The following MYOF variants were observed in gnomAD, a reference collection of about 807,000 sequenced individuals.
MYOF encodes the protein fer-1-like 3, myoferlin.
Under a neutral mutation model 284.2 loss-of-function variants are expected in MYOF, and 244 were observed. That is an observed-to-expected ratio of 0.86 (90% confidence interval 0.77 to 0.95). The LOEUF (loss-of-function observed/expected upper bound fraction) is 0.95. Among genes scored for constraint, MYOF ranks in the 40% least tolerant of loss-of-function variants. The pLI, the probability that MYOF is intolerant of heterozygous loss-of-function variation, is 0.00. For synonymous variants in MYOF, 904 were observed against 919.7 expected (o/e 0.98, Z 0.31); for missense variants, 2,496 against 2,560.6 (o/e 0.97, Z 0.54).
rs374378517 is a variant in MYOF, at chr10:93,319,931, G to T, written c.5539C>A (p.Arg1847=). The part of the protein sequence containing the change: ...SLDGEGNFNW[R]FVFPFDYLPA... ...AGGTAGTCAAACGGGAAAACAAATCGCCAGTTAAAATTCCCTTCACCATCC... is the reference window on the plus strand; with the variant it reads ...AGGTAGTCAAACGGGAAAACAAATCTCCAGTTAAAATTCCCTTCACCATCC... Residue 1847 remains arginine, a synonymous_variant, in exon 49 of 54, where the codon CGA becomes AGA. Transcript: ENST00000359263. 1.2e-6 allele frequency: 2 copies of T among 1,613,998 alleles called. No homozygotes were observed. The highest frequency in any genetic ancestry group is 1.7e-6 in the Non-Finnish European group (2 of 1,180,022).
At chr10:93,327,357 C>T (rs1843096750) in intron 45 of MYOF, among the ~76,000 whole-genome samples, 1 of 152,132 alleles carries the variant, frequency 6.6e-6, no homozygotes, top group African/African-American at 2.4e-5. Flanking sequence ...AACTTGTGGA[C>T]TGCCAATAGC....
At chr10:93,317,182 G>A (rs1398909050) in intron 49 of MYOF, among the ~76,000 whole-genome samples, 3 of 132,670 alleles carry the variant, frequency 2.3e-5, no homozygotes, top group African/African-American at 8.3e-5. Flanking sequence ...ATCACCCACC[G>A]GGGTGTCACT....
intron 9 of MYOF, among the ~76,000 whole-genome samples, chr10:93,403,450 T>C (rs1184914228): frequency 6.6e-6 from 1 of 152,254 alleles, no homozygotes; most frequent in African/African-American, 2.4e-5. Context: ...ATGTGGCTAC[T>C]TGGTGGCAGA....
At chr10:93,402,400 A>C in intron 10 of MYOF, 53 bp from the exon 11 acceptor site, 2 of 1,369,982 alleles carry the variant, frequency 1.5e-6, no homozygotes, top group Non-Finnish European at 1.0e-6. Context: ...GGTACTGATA[A>C]GTCTGTGATT....
Position 93,306,896 on chromosome 10 carries a change from A to ATGTT in MYOF, c.*63_*66dup. ...GGTCTCAGACACAAAATCACACTGG[A>ATGTT]TGTTGGTCTACAGAGGCAGGATTCT... On this transcript the variant is annotated 3_prime_UTR_variant, in exon 54 of 54. Coordinates refer to ENST00000359263, the MANE Select transcript of MYOF (RefSeq NM_013451.4). The ATGTT allele has an allele frequency of 6.7e-7, 1 of 1,501,918 alleles. No homozygotes were observed. Among genetic ancestry groups the ATGTT allele is most frequent in the Non-Finnish European group, 9.3e-7 (1 of 1,080,346 alleles). 93.0% of individuals were successfully genotyped at this position (1,501,918 alleles called of 1,614,324 possible).
chr10:93,355,788 A>G, intron 30 of MYOF, 52 bp from the exon 31 acceptor site: 1 of 1,392,808 alleles, frequency 7.2e-7, no homozygotes, highest in Non-Finnish European at 1.0e-6. Context: ...AACACTGCCT[A>G]AAAGCAAATC....
At chr10:93,391,612 G>C (rs924021488) in intron 17 of MYOF, among the ~76,000 whole-genome samples, 7 of 151,124 alleles carry the variant, frequency 4.6e-5, no homozygotes, top group East Asian at 1.9e-4. Flanking sequence ...AAAAAAGAAA[G>C]AAACAAAAAA....
chr10:93,329,782 C>G lies in MYOF; in HGVS notation c.4864G>C (p.Val1622Leu), dbSNP rs747515298. The G allele has an allele frequency of 2.5e-6, 4 of 1,614,184 alleles. No individual in the cohort carries two copies. In the Admixed American group the frequency reaches 5.0e-5, roughly 20 times the overall value. ...LPQEKDLKIS[V>L]YDYDTFTRDE... ...CGGGTAAAGGTGTCATAATCATAGA[C>G]AGAAATTTTCAGGTCTTTTTCTTGA... The change falls in exon 44 of 54, where the codon GTC becomes CTC. Residue 1622 changes from valine to leucine, a missense_variant. Around this residue, in one of 3 missense-constraint regions of MYOF, gnomAD observed 2,436 missense variants for 2,480.7 expected, o/e 0.98. Coordinates refer to ENST00000359263, the MANE Select transcript of MYOF (RefSeq NM_013451.4).
At chr10:93,396,520 C>G (rs888556746) in intron 15 of MYOF, among the ~76,000 whole-genome samples, 1 of 152,132 alleles carries the variant, frequency 6.6e-6, no homozygotes, top group Non-Finnish European at 1.5e-5. Context: ...TCCAGTCACC[C>G]TTTGGAAACA....
intron 4 of MYOF, among the ~76,000 whole-genome samples, chr10:93,429,446 C>T (rs1048075796): frequency 2.0e-5 from 3 of 152,132 alleles, no homozygotes; most frequent in Admixed American, 6.5e-5. Context: ...ACAGTTCTGC[C>T]ATTCTAGGGG....
At position 93,402,315 on chromosome 10, in the gene MYOF, T is replaced by C. The variant is rs1414641965; in HGVS notation, c.907A>G (p.Asn303Asp). Reference protein sequence around the residue: ...HAVMRKWLLLNDPEDTSSGSK... With the variant: ...HAVMRKWLLLDDPEDTSSGSK... ...CCTGAACTGGTATCTTCCGGGTCATTGAGAAGAAGCCACTTTCTCATGACA... is the reference window on the plus strand; with the variant it reads ...CCTGAACTGGTATCTTCCGGGTCATCGAGAAGAAGCCACTTTCTCATGACA... Residue 303 changes from asparagine (N) to aspartate (D), a missense_variant, in exon 11 of 54, where the codon AAT becomes GAT. Around this residue, in one of 3 missense-constraint regions of MYOF, gnomAD observed 2,436 missense variants for 2,480.7 expected, o/e 0.98. Coordinates refer to ENST00000359263, the MANE Select transcript of MYOF (RefSeq NM_013451.4). The C allele has an allele frequency of 6.2e-7, 1 of 1,614,092 alleles. No individual in the cohort carries two copies. The highest frequency in any genetic ancestry group is 1.7e-5 in the Admixed American group (1 of 60,018).
rs752348119 is a variant in MYOF, at chr10:93,399,431, G to A, written c.1182C>T (p.Leu394=). The change falls in exon 13 of 54, where the codon CTC becomes CTT. Residue 394 remains leucine (L), a synonymous_variant. Transcript: ENST00000359263. ...AGGAAACTTCTACAAAAGGATCCACGAGATTTTTCTTATCTGCATTGCCTC... is the reference window on the plus strand; with the variant it reads ...AGGAAACTTCTACAAAAGGATCCACAAGATTTTTCTTATCTGCATTGCCTC... The part of the protein sequence containing the change: ...IFGGNADKKN[L]VDPFVEVSFA... The A allele has an allele frequency of 6.2e-6, 10 of 1,613,618 alleles. No homozygotes were observed. Among genetic ancestry groups the A allele is most frequent in the African/African-American group, 5.3e-5 (4 of 74,914 alleles).
chr10:93,423,913 A>G (rs1271806447), intron 5 of MYOF, among the ~76,000 whole-genome samples: 1 of 152,054 alleles, frequency 6.6e-6, no homozygotes, highest in African/African-American at 2.4e-5. Context: ...GCTATATCCT[A>G]GAGGGGAAAA....
chr10:93,409,173 C>T (rs1444931999), intron 6 of MYOF, among the ~76,000 whole-genome samples: 1 of 152,158 alleles, frequency 6.6e-6, no homozygotes, highest in Non-Finnish European at 1.5e-5. Context: ...AAGGGCAGGG[C>T]AGGTGGAGGT....
At chr10:93,404,133 A>G in intron 8 of MYOF, 24 bp downstream of exon 8, 4 of 1,613,818 alleles carry the variant, frequency 2.5e-6, no homozygotes, top group Admixed American at 1.7e-5. Flanking sequence ...AGTGAGCAGT[A>G]CCTTCCTACT....
intron 1 of MYOF, among the ~76,000 whole-genome samples, chr10:93,460,640 G>A (rs1362918079): frequency 1.3e-5 from 2 of 151,688 alleles, no homozygotes; most frequent in Admixed American, 6.6e-5. Flanking sequence ...GGTGGTGGAC[G>A]CCTGCAGTCC....
intron 32 of MYOF, 121 bp from the exon 33 acceptor site, chr10:93,351,967 T>C: frequency 5.5e-6 from 5 of 904,418 alleles, no homozygotes; most frequent in Non-Finnish European, 8.0e-6. Flanking sequence ...ACCACCTGCC[T>C]GGAGATAGGG....
chr10:93,397,570 T>TGG, intron 13 of MYOF, 114 bp from the exon 14 acceptor site: 1 of 609,086 alleles, frequency 1.6e-6, no homozygotes, highest in Non-Finnish European at 2.7e-6. Flanking sequence ...CTTAGGAACC[T>TGG]GGTTAAACTT....
intron 5 of MYOF, among the ~76,000 whole-genome samples, chr10:93,420,601 A>C (rs1848319255): frequency 6.6e-6 from 1 of 152,186 alleles, no homozygotes; most frequent in South Asian, 2.1e-4. Flanking sequence ...GCAGGGGCAA[A>C]TTTTCCTAAA....
Sources: gnomAD v4.1 joint callset for allele counts (sites outside exome capture counted in the v4.1 genomes callset) on GRCh38, gnomAD v4.1.1 for gene constraint, gnomAD v4.1.1 regional missense constraint, MANE v1.5 for transcripts, NCBI Gene and HGNC (gene_info 2026-07-23, HGNC 2026-07-21) for gene names.